RBMS3: variants seen among roughly 807,000 people sequenced by gnomAD.
RBMS3 encodes the protein RNA binding motif single stranded interacting protein 3, also known as RNA-binding motif, single-stranded-interacting protein 3.
RBMS3 carries 27 observed loss-of-function variants against 66.8 expected under a neutral mutation model. That is an observed-to-expected ratio of 0.40 (90% CI 0.30 to 0.56). The LOEUF (loss-of-function observed/expected upper bound fraction) is 0.56. Among genes scored for constraint, RBMS3 ranks in the 20% least tolerant of loss-of-function variants. The probability of loss-of-function intolerance (pLI) is 0.40; values close to 1 mark genes in which losing one functional copy is unlikely to be tolerated. For missense variants in RBMS3, 513 were observed against 549.5 expected, an observed-to-expected ratio of 0.93 and a Z score of 0.66; for synonymous variants, 188 against 183.0, an observed-to-expected ratio of 1.03 and a Z score of -0.22.
At chr3:29,930,172 C>T (rs1292966712) in intron 10 of RBMS3, among the ~76,000 whole-genome samples, 5 of 120,660 alleles carry the variant, frequency 4.1e-5, no homozygotes, top group Non-Finnish European at 8.2e-5. Flanking sequence ...AGTGCAGTGG[C>T]ATGATCTTGG....
intron 1 of RBMS3, among the ~76,000 whole-genome samples, chr3:29,282,456 G>C (rs1296202542): frequency 6.6e-6 from 1 of 152,080 alleles, no homozygotes; most frequent in Non-Finnish European, 1.5e-5. Context: ...AATTGGACTT[G>C]AATTGGTTAA....
chr3:29,337,249 G>GC (rs1252717352), intron 1 of RBMS3, among the ~76,000 whole-genome samples: 143 of 152,068 alleles, frequency 9.4e-4, no homozygotes, highest in African/African-American at 3.2e-3. Context: ...GATACAAAAT[G>GC]TTAAAAAATT....
intron 1 of RBMS3, among the ~76,000 whole-genome samples, chr3:29,314,929 A>C (rs539025408): frequency 6.6e-6 from 1 of 151,908 alleles, no homozygotes; most frequent in East Asian, 1.9e-4. Flanking sequence ...AATATGCCAA[A>C]AATCACTGGA....
chr3:29,284,503 A>C (rs1429222121), intron 1 of RBMS3, among the ~76,000 whole-genome samples: 1 of 152,176 alleles, frequency 6.6e-6, no homozygotes, highest in African/African-American at 2.4e-5. Flanking sequence ...ATGATAAAAC[A>C]AAATGAAAAT....
At chr3:29,434,957 A>G (rs371087972) in intron 2 of RBMS3, 42 bp downstream of exon 2, 1 of 1,570,332 alleles carries the variant, frequency 6.4e-7, no homozygotes, top group South Asian at 1.2e-5. Flanking sequence ...TCACTCCCAT[A>G]CTTGCCTTGG....
rs554512941 is a variant in RBMS3 at position 29,348,327 on chromosome 3, A to G, written c.75+66571A>G. ...GAACTAAAATATTTCAGGCAAATTT[A>G]TCTCTAAAACTTTTAATCTAGTCAG... On this transcript the variant is annotated intron_variant, in intron 1 of 14. Transcript: ENST00000383767. Among the ~76,000 whole-genome samples, 8 of 152,350 alleles carry G rather than the reference A, an allele frequency of 5.3e-5. No homozygotes were observed. In the South Asian group the frequency reaches 1.7e-3, roughly 32 times the overall value.
intron 6 of RBMS3, among the ~76,000 whole-genome samples, chr3:29,832,880 G>A (rs953198194): frequency 6.6e-6 from 1 of 152,108 alleles, no homozygotes. Context: ...CCCCCTCCAA[G>A]CCAGCTCCCT....
intron 1 of RBMS3, among the ~76,000 whole-genome samples, chr3:29,314,892 C>T (rs2034582215): frequency 6.6e-6 from 1 of 151,548 alleles, no homozygotes; most frequent in Non-Finnish European, 1.5e-5. Context: ...TAAAGTGATG[C>T]CAGTAGCTGG....
At chr3:29,857,380 CCCCCA>C (rs1467500264) in intron 6 of RBMS3, among the ~76,000 whole-genome samples, 1 of 151,276 alleles carries the variant, frequency 6.6e-6, no homozygotes, top group Non-Finnish European at 1.5e-5. Flanking sequence ...CCCACCCCCA[CCCCCA>C]CGGGGCCCCG....
chr3:29,441,828 A>G (rs1231214780), intron 2 of RBMS3, among the ~76,000 whole-genome samples: 1 of 152,192 alleles, frequency 6.6e-6, no homozygotes, highest in East Asian at 1.9e-4. Context: ...CAAATCGGAA[A>G]ACATAATTTA....
intron 14 of RBMS3, among the ~76,000 whole-genome samples, chr3:29,997,798 C>G (rs1699345612): frequency 6.6e-6 from 1 of 152,136 alleles, no homozygotes; most frequent in Admixed American, 6.5e-5. Context: ...TATGACAAAC[C>G]CACAGCCAAT....
chr3:29,891,840 G>C (rs1288223884), intron 8 of RBMS3, among the ~76,000 whole-genome samples: 1 of 151,482 alleles, frequency 6.6e-6, no homozygotes, highest in Admixed American at 6.6e-5. Flanking sequence ...CAATAAAAAT[G>C]ACCAATACCT....
At chr3:29,396,353 G>T (rs186790583) in intron 1 of RBMS3, among the ~76,000 whole-genome samples, 1 of 152,246 alleles carries the variant, frequency 6.6e-6, no homozygotes, top group African/African-American at 2.4e-5. Context: ...GGGGACAAAA[G>T]TGACATAACA....
At chr3:29,590,620 G>A (rs1183673412) in intron 4 of RBMS3, among the ~76,000 whole-genome samples, 1 of 151,666 alleles carries the variant, frequency 6.6e-6, no homozygotes, top group Admixed American at 6.6e-5. Context: ...CTCCTGAATT[G>A]CTACAGCTCC....
At chr3:29,672,947 A>C (rs2051071483) in intron 4 of RBMS3, among the ~76,000 whole-genome samples, 1 of 152,176 alleles carries the variant, frequency 6.6e-6, no homozygotes, top group African/African-American at 2.4e-5. Flanking sequence ...ACATCTACAG[A>C]ACTCTCCACC....
At chr3:29,351,622 A>C (rs1032642726) in intron 1 of RBMS3, among the ~76,000 whole-genome samples, 2 of 152,036 alleles carry the variant, frequency 1.3e-5, no homozygotes, top group Non-Finnish European at 2.9e-5. Context: ...AGGAAAATAC[A>C]TATGTATTTG....
At chr3:29,618,096 AG>A (rs1239901980) in intron 4 of RBMS3, among the ~76,000 whole-genome samples, 24 of 152,336 alleles carry the variant, frequency 1.6e-4, no homozygotes, top group African/African-American at 5.8e-4. Flanking sequence ...TTTGGGTAAA[AG>A]AGATAGAAGA....
chr3:29,454,387 T>C (rs1330741709), intron 2 of RBMS3, among the ~76,000 whole-genome samples: 3 of 152,224 alleles, frequency 2.0e-5, no homozygotes, highest in Non-Finnish European at 4.4e-5. Flanking sequence ...TTTGCAGCAC[T>C]GTGTCCTCCA....
intron 3 of RBMS3, among the ~76,000 whole-genome samples, chr3:29,501,214 G>C (rs528018272): frequency 6.6e-6 from 1 of 152,100 alleles, no homozygotes. Flanking sequence ...CTCCATGAAA[G>C]TTTAACACGT....
Sources: gnomAD v4.1 joint callset for allele counts (sites outside exome capture counted in the v4.1 genomes callset) on GRCh38, gnomAD v4.1.1 for gene constraint, MANE v1.5 for transcripts, NCBI Gene and HGNC (gene_info 2026-07-23, HGNC 2026-07-21) for gene names.